Variants in STPG2 observed in about 807,000 individuals in gnomAD.
The protein encoded by STPG2 is sperm tail PG-rich repeat containing 2.
In STPG2, 56 loss-of-function variants were observed where a neutral mutation model predicts 54.2. The observed-to-expected ratio is 1.03, with a 90% CI of 0.83 to 1.29. The LOEUF is 1.29. Among genes scored for constraint, STPG2 ranks in the 50% most tolerant of loss-of-function variants. The probability of loss-of-function intolerance (pLI) is 0.00; values close to 1 mark genes in which losing one functional copy is unlikely to be tolerated. For missense variants in STPG2, 596 were observed against 544.9 expected (o/e 1.09, Z -0.93); for synonymous variants, 200 against 181.8 (o/e 1.10, Z -0.81).
intron 8 of STPG2, among the ~76,000 whole-genome samples, chr4:97,893,970 A>G (rs946543523): frequency 6.6e-6 from 1 of 151,992 alleles, no homozygotes; most frequent in Non-Finnish European, 1.5e-5. Flanking sequence ...ATGAAACAGA[A>G]TGTAAGAGAG....
chr4:97,595,344 G>T (rs996320986), intron 10 of STPG2, among the ~76,000 whole-genome samples: 1 of 144,852 alleles, frequency 6.9e-6, no homozygotes, highest in Non-Finnish European at 1.5e-5. Flanking sequence ...GCGAACTATC[G>T]CAAGGACAAA....
chr4:97,817,728 G>T (rs1234038588), intron 9 of STPG2, among the ~76,000 whole-genome samples: 1 of 151,940 alleles, frequency 6.6e-6, no homozygotes, highest in African/African-American at 2.4e-5. Context: ...GATAATTTTA[G>T]TGATAAGAAG....
chr4:97,537,289 T>C (rs1278970721), intron 4 of STPG2, among the ~76,000 whole-genome samples: 1 of 152,148 alleles, frequency 6.6e-6, no homozygotes, highest in African/African-American at 2.4e-5. Context: ...GAACTCCCTT[T>C]CATAGCCAAG....
chr4:97,704,781 TAA>T (rs535762486), intron 10 of STPG2, among the ~76,000 whole-genome samples: 7 of 152,210 alleles, frequency 4.6e-5, no homozygotes, highest in Non-Finnish European at 1.0e-4. Flanking sequence ...CGGAGAAGTT[TAA>T]GTCACATTCT....
chr4:97,846,635 A>C (rs925508994), intron 8 of STPG2, among the ~76,000 whole-genome samples: 2 of 151,380 alleles, frequency 1.3e-5, no homozygotes, highest in Non-Finnish European at 3.0e-5. Context: ...AAAAAAAAAA[A>C]AAAAAAAAAA....
At chr4:97,863,476 A>T (rs1247545452) in intron 8 of STPG2, among the ~76,000 whole-genome samples, 1 of 152,190 alleles carries the variant, frequency 6.6e-6, no homozygotes, top group African/African-American at 2.4e-5. Flanking sequence ...ACCAAAAAAA[A>T]GTCCAGGACC....
chr4:98,038,678 T>C (rs1268492076), intron 5 of STPG2, among the ~76,000 whole-genome samples: 1 of 151,806 alleles, frequency 6.6e-6, no homozygotes, highest in Non-Finnish European at 1.5e-5. Flanking sequence ...AAATAAAACC[T>C]GTGAATAAAA....
chr4:97,878,057 G>A (rs529703935), intron 8 of STPG2, among the ~76,000 whole-genome samples: 252 of 152,302 alleles, frequency 1.7e-3, no homozygotes, highest in Non-Finnish European at 3.0e-3. Context: ...AAATATTAAA[G>A]CTCCAAAATG....
intron 10 of STPG2, among the ~76,000 whole-genome samples, chr4:97,705,242 C>T (rs1421702890): frequency 6.6e-6 from 1 of 152,042 alleles, no homozygotes; most frequent in African/African-American, 2.4e-5. Flanking sequence ...GCCCCATTGG[C>T]TTGTCTAAGT....
intron 8 of STPG2, among the ~76,000 whole-genome samples, chr4:97,844,467 A>T (rs942509207): frequency 2.0e-5 from 3 of 151,806 alleles, no homozygotes; most frequent in African/African-American, 7.3e-5. Flanking sequence ...TTTGCTTGAA[A>T]TTTTTTACTC....
chr4:97,462,324 T>C (rs886661817), intron 4 of STPG2, among the ~76,000 whole-genome samples: 1 of 152,038 alleles, frequency 6.6e-6, no homozygotes, highest in Non-Finnish European at 1.5e-5. Flanking sequence ...TAAATCTTAA[T>C]ATTTGGTATG....
intron 8 of STPG2, among the ~76,000 whole-genome samples, chr4:97,883,231 T>A (rs80350806): frequency 1.3e-5 from 2 of 151,446 alleles, no homozygotes; most frequent in East Asian, 1.9e-4. Flanking sequence ...ATGTATATAT[T>A]TTTTTAATTA....
At chr4:97,477,300 G>T (rs148598594) in intron 4 of STPG2, among the ~76,000 whole-genome samples, 1 of 151,898 alleles carries the variant, frequency 6.6e-6, no homozygotes, top group Non-Finnish European at 1.5e-5. Context: ...TTATCATTTC[G>T]TATAACAGTT....
intron 10 of STPG2, among the ~76,000 whole-genome samples, chr4:97,697,447 G>C (rs995346006): frequency 3.5e-4 from 53 of 152,184 alleles, no homozygotes; most frequent in African/African-American, 1.3e-3. Context: ...CATTACAATG[G>C]ATAAAAACAC....
At chr4:97,647,273 C>T (rs924228332) in intron 10 of STPG2, among the ~76,000 whole-genome samples, 3 of 152,232 alleles carry the variant, frequency 2.0e-5, no homozygotes, top group South Asian at 4.1e-4. Flanking sequence ...AGTTTCCTTT[C>T]CTGTTGAATG....
chr4:97,459,434 TTTTTTG>T (rs1177694104), intron 4 of STPG2, among the ~76,000 whole-genome samples: 2 of 147,976 alleles, frequency 1.4e-5, no homozygotes, highest in Non-Finnish European at 3.0e-5. Flanking sequence ...ATGCCTGTTT[TTTTTTG>T]TTTTTTTTTT....
chr4:98,096,336 G>T (rs1449519942), intron 5 of STPG2, among the ~76,000 whole-genome samples: 1 of 152,068 alleles, frequency 6.6e-6, no homozygotes, highest in Non-Finnish European at 1.5e-5. Flanking sequence ...AGTCAAGGCT[G>T]CAGTGAGCCA....
intron 10 of STPG2, among the ~76,000 whole-genome samples, chr4:97,678,894 C>T (rs992215685): frequency 1.6e-4 from 24 of 150,942 alleles, no homozygotes; most frequent in Admixed American, 5.3e-4. Context: ...CTTGTTCTTG[C>T]GATAGTTTAC....
At chr4:97,878,019 T>C (rs1041909928) in intron 8 of STPG2, among the ~76,000 whole-genome samples, 1 of 152,202 alleles carries the variant, frequency 6.6e-6, no homozygotes, top group Non-Finnish European at 1.5e-5. Flanking sequence ...GCAGGCCCCA[T>C]GCAAGTCTGA....
Sources: allele counts gnomAD v4.1 joint callset (sites outside exome capture counted in the v4.1 genomes callset), GRCh38; gene constraint gnomAD v4.1.1; transcripts MANE v1.5; gene names NCBI Gene and HGNC (gene_info 2026-07-23, HGNC 2026-07-21).